The following PKP4 variants were observed in gnomAD, a reference collection of about 807,000 sequenced individuals.
PKP4 encodes plakophilin 4, also known as plakophilin-4.
PKP4 carries 90 observed loss-of-function variants against 145.1 expected under a neutral mutation model. The ratio of observed to expected loss-of-function variants is 0.62; its 90% CI spans 0.52 to 0.74. PKP4 has a LOEUF of 0.74. PKP4 is among the 30% of genes least tolerant of loss of function. PKP4 has a pLI of 0.00. For synonymous variants in PKP4, 563 were observed against 577.2 expected (o/e 0.98, Z 0.35); for missense variants, 1,340 against 1,482.7 (o/e 0.90, Z 1.58).
At chr2:158,514,698 T>C (rs976696521) in intron 1 of PKP4, among the ~76,000 whole-genome samples, 5 of 152,200 alleles carry the variant, frequency 3.3e-5, no homozygotes, top group Non-Finnish European at 5.9e-5. Flanking sequence ...CCCAGCACTT[T>C]GGGAGGTCGA....
intron 3 of PKP4, among the ~76,000 whole-genome samples, chr2:158,586,805 G>A (rs2048836478): frequency 6.6e-6 from 1 of 152,128 alleles, no homozygotes; most frequent in African/African-American, 2.4e-5. Flanking sequence ...TGCCATTCCA[G>A]TCACAAGCCA....
chr2:158,632,550 A>G (rs2053460005), intron 8 of PKP4: 1 of 152,338 alleles, frequency 6.6e-6, no homozygotes, highest in South Asian at 2.1e-4. Flanking sequence ...ATCAAGGCTC[A>G]TACAGCAGAT....
chr2:158,625,381 T>A lies in PKP4; in HGVS notation c.1107T>A (p.Tyr369Ter). The change falls in exon 7 of 22, where the codon TAT becomes TAA. Residue 369 changes from tyrosine to a stop codon, truncating the protein, a stop_gained. Transcript: ENST00000389759. LOFTEE classifies it high-confidence loss of function. Reference protein sequence around the residue: ...HDMEQFGQQQYDIYERMVPPR... With the variant: ...HDMEQFGQQQ ...TGGAGCAATTCGGACAGCAGCAGTA[T>A]GACATTTATGAGAGGATGGTTCCAC... 1 of 1,614,110 alleles carries A rather than the reference T, an allele frequency of 6.2e-7. No individual in the cohort carries two copies. Among genetic ancestry groups the A allele is most frequent in the Non-Finnish European group, 8.5e-7 (1 of 1,179,990 alleles).
intron 2 of PKP4, among the ~76,000 whole-genome samples, chr2:158,551,290 A>G (rs1052093265): frequency 1.3e-5 from 2 of 152,258 alleles, no homozygotes; most frequent in African/African-American, 4.8e-5. Flanking sequence ...TGTTAGAGAA[A>G]AAAACATTAA....
intron 16 of PKP4, chr2:158,669,426 A>AG: frequency 4.3e-6 from 1 of 235,170 alleles, no homozygotes. Flanking sequence ...CTCGAACGAA[A>AG]GTAACTTGAT....
intron 1 of PKP4, among the ~76,000 whole-genome samples, chr2:158,509,743 T>G (rs1337194295): frequency 1.3e-5 from 2 of 151,364 alleles, no homozygotes; most frequent in Non-Finnish European, 2.9e-5. Flanking sequence ...AGGTCGGGAG[T>G]TTGAGACCAG....
chr2:158,529,390 C>T (rs541932680), intron 1 of PKP4, among the ~76,000 whole-genome samples: 1 of 152,314 alleles, frequency 6.6e-6, no homozygotes, highest in African/African-American at 2.4e-5. Context: ...CTACCACTCT[C>T]ATGTCTCCCA....
intron 1 of PKP4, among the ~76,000 whole-genome samples, chr2:158,504,637 A>C (rs548127311): frequency 6.6e-6 from 1 of 151,754 alleles, no homozygotes; most frequent in African/African-American, 2.4e-5. Flanking sequence ...ATTCAGGTTC[A>C]TTTATTCAAG....
intron 3 of PKP4, among the ~76,000 whole-genome samples, chr2:158,591,753 T>C (rs2049293149): frequency 6.6e-6 from 1 of 152,058 alleles, no homozygotes; most frequent in African/African-American, 2.4e-5. Context: ...ACTTTTACCA[T>C]TTAGAGATTA....
intron 1 of PKP4, among the ~76,000 whole-genome samples, chr2:158,471,401 A>G (rs1370797449): frequency 3.9e-5 from 6 of 152,206 alleles, no homozygotes. Flanking sequence ...ATCAGATTTA[A>G]TTTTTACAGT....
chr2:158,621,026 C>T lies in PKP4; in HGVS notation c.317C>T (p.Ser106Phe), dbSNP rs774942303. 3 of 1,613,998 alleles carry T rather than the reference C, an allele frequency of 1.9e-6. No homozygotes were observed. The highest frequency in any genetic ancestry group is 2.2e-5 in the East Asian group (1 of 44,890). ...ACTGGTGTAAGCAAACCTAGAGTTT[C>T]TGACGCTGTCCAGCCCAACAACTAT... Reference protein sequence around the residue: ...PNTGVSKPRVSDAVQPNNYLI... With the variant: ...PNTGVSKPRVFDAVQPNNYLI... The change falls in exon 5 of 22, where the codon TCT (serine) becomes TTT (phenylalanine). Residue 106 changes from serine to phenylalanine, a missense_variant. Ser to Phe is a radical substitution (Grantham distance 155, BLOSUM62 -2). Transcript: ENST00000389759.
intron 3 of PKP4, among the ~76,000 whole-genome samples, chr2:158,600,386 G>T (rs1211379169): frequency 6.6e-6 from 1 of 152,196 alleles, no homozygotes; most frequent in Non-Finnish European, 1.5e-5. Flanking sequence ...AGGGAACCGG[G>T]ATGGAGTCAT....
chr2:158,515,857 C>A (rs1010208941), intron 1 of PKP4, among the ~76,000 whole-genome samples: 8 of 152,060 alleles, frequency 5.3e-5, no homozygotes, highest in African/African-American at 1.7e-4. Flanking sequence ...ACCAGCCTGG[C>A]TAACATACTG....
At chr2:158,478,878 C>T (rs2105428188) in intron 1 of PKP4, among the ~76,000 whole-genome samples, 1 of 152,286 alleles carries the variant, frequency 6.6e-6, no homozygotes. Flanking sequence ...TTATCCTCTT[C>T]ATTATGTTTT....
At chr2:158,561,323 A>C (rs976889321) in intron 2 of PKP4, among the ~76,000 whole-genome samples, 1 of 152,148 alleles carries the variant, frequency 6.6e-6, no homozygotes, top group African/African-American at 2.4e-5. Flanking sequence ...AGGATATTAG[A>C]ACAAAAATCT....
In PKP4 at chr2:158,520,790, C is replaced by G. The variant is rs1481728823; in HGVS notation, c.-5-12390C>G. ...CACCTATGCATGCGTTCTTAGTAAG[C>G]AGAGTTTTATTTTGCCTATTGTTGA... On this transcript the variant is annotated intron_variant, in intron 1 of 21. Coordinates refer to ENST00000389759, the MANE Select transcript of PKP4 (RefSeq NM_003628.6). Among the ~76,000 whole-genome samples the G allele has an allele frequency of 3.9e-5, 6 of 152,288 alleles. No homozygotes were observed. The East Asian group carries it at 7.7e-4, about 20-fold the overall frequency.
At chr2:158,612,290 C>T (rs114574072) in intron 4 of PKP4, among the ~76,000 whole-genome samples, 42 of 152,240 alleles carry the variant, frequency 2.8e-4, no homozygotes, top group African/African-American at 8.4e-4. Flanking sequence ...AAGTTTTTCC[C>T]CTAACATTAC....
intron 3 of PKP4, among the ~76,000 whole-genome samples, chr2:158,593,927 A>C (rs2049492725): frequency 6.6e-6 from 1 of 152,226 alleles, no homozygotes. Context: ...ATGTAAACCA[A>C]GAGTGGACTT....
chr2:158,486,012 A>G (rs911295007), intron 1 of PKP4, among the ~76,000 whole-genome samples: 1 of 152,154 alleles, frequency 6.6e-6, no homozygotes, highest in Non-Finnish European at 1.5e-5. Context: ...TTTATTTCTA[A>G]TTAAATCTAT....
Sources: gnomAD v4.1 joint callset for allele counts (sites outside exome capture counted in the v4.1 genomes callset) on GRCh38, gnomAD v4.1.1 for gene constraint, MANE v1.5 for transcripts, NCBI Gene and HGNC (gene_info 2026-07-23, HGNC 2026-07-21) for gene names.